KDM2B: variants seen among roughly 807,000 people sequenced by gnomAD.
KDM2B encodes lysine-specific demethylase 2B.
In KDM2B, 26 loss-of-function variants were observed where a neutral mutation model predicts 150.0. That is an observed-to-expected ratio of 0.17 (90% CI 0.13 to 0.24). KDM2B has a LOEUF of 0.24. KDM2B is among the 10% of genes least tolerant of loss of function. The probability of loss-of-function intolerance (pLI) is 1.00; values close to 1 mark genes in which losing one functional copy is unlikely to be tolerated. For synonymous variants in KDM2B, 734 were observed against 729.5 expected (o/e 1.01, Z -0.10); for missense variants, 1,265 against 1,816.9 (o/e 0.70, Z 5.52).
intron 4 of KDM2B, among the ~76,000 whole-genome samples, chr12:121,567,120 G>A (rs1483220089): frequency 6.6e-6 from 1 of 152,002 alleles, no homozygotes; most frequent in Non-Finnish European, 1.5e-5. Context: ...CCTGACCTCT[G>A]TGGTAATCCA....
downstream of KDM2B, among the ~76,000 whole-genome samples, chr12:121,428,010 A>C (rs1555284481): frequency 6.6e-6 from 1 of 152,226 alleles, no homozygotes; most frequent in Non-Finnish European, 1.5e-5. Flanking sequence ...AAATATTACC[A>C]TTCATGAGGA....
At chr12:121,567,176 C>T (rs782670626) in intron 4 of KDM2B, among the ~76,000 whole-genome samples, 11 of 152,058 alleles carry the variant, frequency 7.2e-5, no homozygotes, top group East Asian at 3.9e-4. Context: ...CATGAGCCAC[C>T]GCCCCCCACC....
Position 121,430,222 on chromosome 12 carries a change from G to A in KDM2B, c.*66C>T. ...CCCACGTTCCAAATGGAAAATAAAA[G>A]CCCTCATTTTTGTAAAGTCTCTCCC... On this transcript the variant is annotated 3_prime_UTR_variant, in exon 23 of 23. Transcript: ENST00000377071. The surrounding 1 kb of genome is among the most constrained non-coding windows in gnomAD (Gnocchi z 4.4). The A allele has an allele frequency of 6.2e-7, 1 of 1,614,070 alleles. No individual in the cohort carries two copies. The highest frequency in any genetic ancestry group is 8.5e-7 in the Non-Finnish European group (1 of 1,180,002).
intron 4 of KDM2B, among the ~76,000 whole-genome samples, chr12:121,550,093 T>C (rs1889368426): frequency 6.6e-6 from 1 of 152,102 alleles, no homozygotes; most frequent in South Asian, 2.1e-4. Context: ...GCGGATTACC[T>C]GAGGTCAGGA....
rs150389499 is a variant in KDM2B, at chr12:121,567,158, A to T, written c.397+7389T>A. On this transcript the variant is annotated intron_variant, in intron 4 of 22. Coordinates refer to ENST00000377071, the MANE Select transcript of KDM2B (RefSeq NM_032590.5). ...CACCTCAGCCTCCCAAAGTGCTGGG[A>T]TTACTGGCATGAGCCACCGCCCCCC... is the stretch of plus-strand genomic sequence containing the variant. Among the ~76,000 whole-genome samples the T allele has an allele frequency of 1.5e-3, 236 of 152,282 alleles. 3 individuals carry two copies. The East Asian group carries it at 0.041, about 27-fold the overall frequency.
chr12:121,441,413 C>T (rs1187126831), intron 19 of KDM2B, among the ~76,000 whole-genome samples, 180 bp from the exon 20 acceptor site: 1 of 152,150 alleles, frequency 6.6e-6, no homozygotes, highest in Non-Finnish European at 1.5e-5. Context: ...CCTGCTCTAA[C>T]AGCCATGGCC....
chr12:121,474,591 G>A (rs931683210), intron 12 of KDM2B, among the ~76,000 whole-genome samples: 1 of 152,116 alleles, frequency 6.6e-6, no homozygotes, highest in African/African-American at 2.4e-5. Context: ...GCAGAAAAAC[G>A]TTTTGGTCAA....
rs1360596221 is a variant in KDM2B at position 121,548,809 on chromosome 12, C to T, written c.683+68G>A. 4 of 1,225,196 alleles carry T rather than the reference C, an allele frequency of 3.3e-6. No individual in the cohort carries two copies. The Admixed American group carries it at 6.9e-5, about 21-fold the overall frequency. 75.9% of individuals were successfully genotyped at this position (1,225,196 alleles called of 1,614,324 possible). On this transcript the variant is annotated intron_variant, in intron 6 of 22. Transcript: ENST00000377071. Reference sequence around the variant, plus strand: ...CACTGATGGCCAGGAGCCTCCTTCCCACCTCCCCACCTCCCCAAGCCTGGG... The same window carrying T: ...CACTGATGGCCAGGAGCCTCCTTCCTACCTCCCCACCTCCCCAAGCCTGGG...
chr12:121,511,720 A>G (rs1003066280), intron 10 of KDM2B, among the ~76,000 whole-genome samples: 2 of 152,212 alleles, frequency 1.3e-5, no homozygotes, highest in Admixed American at 1.3e-4. Flanking sequence ...TCTACACCCT[A>G]AATGGTGAAT....
Position 121,453,014 on chromosome 12 carries a change from G to A in KDM2B, c.1959+106C>T, listed in dbSNP as rs1487341662. The A allele has an allele frequency of 6.7e-6, 7 of 1,051,902 alleles. No homozygotes were observed. Among genetic ancestry groups the A allele is most frequent in the African/African-American group, 1.6e-5 (1 of 61,652 alleles). The allele number at this position is 1,051,902 out of a possible 1,614,324, so 65.2% of individuals were successfully genotyped here. ...AGCTCTCGGGGAGTCCACAGCCCCG[G>A]CTTCTCTGTGTGCGGAGGGGCGGCC... is the stretch of plus-strand genomic sequence containing the variant. On this transcript the variant is annotated intron_variant, in intron 13 of 22. Transcript: ENST00000377071. The surrounding 1 kb of genome is among the most constrained non-coding windows in gnomAD (Gnocchi z 6.4).
At chr12:121,544,881 C>T (rs1888902893) in intron 6 of KDM2B, among the ~76,000 whole-genome samples, 2 of 152,114 alleles carry the variant, frequency 1.3e-5, no homozygotes, top group South Asian at 4.2e-4. Flanking sequence ...CCATTGCACT[C>T]CAGCCTGGGC....
intron 12 of KDM2B, among the ~76,000 whole-genome samples, chr12:121,481,194 T>C (rs1882091873): frequency 6.6e-6 from 1 of 152,026 alleles, no homozygotes; most frequent in African/African-American, 2.4e-5. Flanking sequence ...GCCTCCCAAA[T>C]TGTTGGGTGG....
At position 121,442,151 on chromosome 12, in the gene KDM2B, G is replaced by T. The variant is rs782621079; in HGVS notation, c.3284+6C>A. The stretch of plus-strand genomic sequence containing the variant: ...AACCTAGAGCCCTACACAGGCCGCC[G>T]CTCACCAGCGGTTCCAGGTCCTGCA... On this transcript the variant is annotated splice_donor_region_variant and intron_variant, in intron 19 of 22. Transcript: ENST00000377071. This position sits in a 1 kb window ranked among gnomAD's most constrained non-coding sequence, Gnocchi z 7.7. 2 of 1,612,784 alleles carry T rather than the reference G, an allele frequency of 1.2e-6. No homozygotes were observed. The highest frequency in any genetic ancestry group is 1.7e-6 in the Non-Finnish European group (2 of 1,179,448).
chr12:121,423,535 C>T, the KDM2B span: 7 of 1,614,002 alleles, frequency 4.3e-6, no homozygotes, highest in African/African-American at 1.3e-5. The surrounding 1 kb of genome is among the most constrained non-coding windows in gnomAD (Gnocchi z 4.3). Flanking sequence ...TCCCATCTGC[C>T]GGCAGTATGT....
At chr12:121,428,652 T>C (rs1424989322), downstream of KDM2B, among the ~76,000 whole-genome samples, 2 of 152,218 alleles carry the variant, frequency 1.3e-5, no homozygotes, top group Non-Finnish European at 2.9e-5. Flanking sequence ...CAGTTGTTTC[T>C]GTATGTGAAT....
At position 121,549,315 on chromosome 12, in the gene KDM2B, C is replaced by T. The variant is rs1228161794; in HGVS notation, c.576+145G>A. On this transcript the variant is annotated intron_variant, in intron 5 of 22. Coordinates refer to ENST00000377071, the MANE Select transcript of KDM2B (RefSeq NM_032590.5). This position sits in a 1 kb window ranked among gnomAD's most constrained non-coding sequence, Gnocchi z 4.4. ...TCCCTGTCTCTACAAACCACGTTACCAACCTTAGTCACCCCTATGCCTGCC... is the reference window on the plus strand; with the variant it reads ...TCCCTGTCTCTACAAACCACGTTACTAACCTTAGTCACCCCTATGCCTGCC... The T allele has an allele frequency of 1.7e-5, 12 of 696,284 alleles. No individual in the cohort carries two copies. In the East Asian group the frequency reaches 3.0e-4, roughly 17 times the overall value. 43.1% of individuals were successfully genotyped at this position (696,284 alleles called of 1,614,324 possible). A position where few individuals can be genotyped will look rare whatever the true frequency, so the allele number is the denominator to read the frequency against.
intron 12 of KDM2B, among the ~76,000 whole-genome samples, chr12:121,464,790 G>A (rs1002083413): frequency 8.5e-5 from 13 of 152,228 alleles, no homozygotes; most frequent in African/African-American, 3.1e-4. Flanking sequence ...AGCAGGGTGG[G>A]ACAGAGGTAC....
At chr12:121,536,660 G>T (rs1384607984) in intron 6 of KDM2B, among the ~76,000 whole-genome samples, 9 of 141,594 alleles carry the variant, frequency 6.4e-5, no homozygotes, top group Non-Finnish European at 1.4e-4. Flanking sequence ...CTTCGTCTTG[G>T]TTTTTTTTTT....
intron 3 of KDM2B, 45 bp from the exon 4 acceptor site, chr12:121,574,638 A>G (rs782247812): frequency 1.9e-6 from 3 of 1,573,184 alleles, no homozygotes; most frequent in East Asian, 4.5e-5. Context: ...GCCAGAAACA[A>G]CAGAGCTAGA....
Sources: allele counts gnomAD v4.1 joint callset (sites outside exome capture counted in the v4.1 genomes callset), GRCh38; gene constraint gnomAD v4.1.1; non-coding constraint Gnocchi (gnomAD v3.1); transcripts MANE v1.5; gene names NCBI Gene and HGNC (gene_info 2026-07-23, HGNC 2026-07-21).